BICDL1: variants seen among roughly 807,000 people sequenced by gnomAD.
BICDL1 encodes the protein BICD family-like cargo adapter 1.
In BICDL1, 20 loss-of-function variants were observed where a neutral mutation model predicts 76.8. That is an observed-to-expected ratio of 0.26 (90% CI 0.18 to 0.38). The LOEUF (loss-of-function observed/expected upper bound fraction) is 0.38, where lower values mean the gene tolerates loss of function less well. Ranked by LOEUF, BICDL1 falls within the 10% of genes least tolerant of loss-of-function variation. The probability of loss-of-function intolerance (pLI) is 1.00; values close to 1 mark genes in which losing one functional copy is unlikely to be tolerated. For missense variants in BICDL1, 700 were observed against 798.6 expected (o/e 0.88, Z 1.49); for synonymous variants, 383 against 337.1 (o/e 1.14, Z -1.49).
intron 2 of BICDL1, among the ~76,000 whole-genome samples, chr12:120,059,075 G>T (rs1953046481): frequency 6.6e-6 from 1 of 151,576 alleles, no homozygotes; most frequent in Non-Finnish European, 1.5e-5. Flanking sequence ...AGCCAAAGTT[G>T]GTTTTTTTTT....
intron 8 of BICDL1, among the ~76,000 whole-genome samples, chr12:120,087,499 G>A (rs1874525917): frequency 6.6e-6 from 1 of 152,266 alleles, no homozygotes; most frequent in Non-Finnish European, 1.5e-5. Context: ...AGTGCGGTCG[G>A]TGTTGTGAAG....
In BICDL1 at chr12:120,004,435, A is replaced by G. The variant is rs552065193; in HGVS notation, c.645+5699A>G. Among the ~76,000 whole-genome samples, 3 of 152,326 alleles carry G rather than the reference A, an allele frequency of 2.0e-5. No individual in the cohort carries two copies. In the East Asian group the frequency reaches 5.8e-4, roughly 29 times the overall value. ...CTGAATGAAGCCAAGATGGGTTTCT[A>G]CTATAGAATCACTGAGATAGGGAGG... is the stretch of plus-strand genomic sequence containing the variant. On this transcript the variant is annotated intron_variant, in intron 2 of 9. Transcript: ENST00000548673.
At chr12:120,001,471 C>G (rs1270812690) in intron 2 of BICDL1, among the ~76,000 whole-genome samples, 1 of 152,178 alleles carries the variant, frequency 6.6e-6, no homozygotes. Context: ...TGGTCTCGAT[C>G]TCCTGACCTT....
rs747028442 is a variant in BICDL1, at chr12:120,093,065, G to A, written c.1770G>A (p.Pro590=). 1.8e-5 allele frequency: 29 copies of A among 1,600,774 alleles called. No individual in the cohort carries two copies. Among genetic ancestry groups the A allele is most frequent in the Non-Finnish European group, 2.3e-5 (27 of 1,172,812 alleles). Residue 590 remains proline (P), a synonymous_variant, in exon 10 of 10, where the codon CCG becomes CCA. Transcript: ENST00000548673. ...CGCACCTGAAAGAACGGAGCCAGCC[G>A]GCTGCTGCCCTCTGCAGGGGCCACA... ...MDTHLKERSQ[P]AAALCRGHSA...
rs776517976 is a variant in BICDL1 at position 120,064,810 on chromosome 12, A to G, written c.840A>G (p.Gln280=). The change falls in exon 4 of 10, where the codon CAA becomes CAG. Residue 280 remains glutamine (Q), a synonymous_variant. Transcript: ENST00000548673. The part of the protein sequence containing the change: ...SATLEENDLL[Q]GTVEELQDRV... ...CTTTAGAGGAAAATGACCTGCTCCA[A>G]GGGACCGTGGAGGAGCTACAGGACC... The G allele has an allele frequency of 6.2e-6, 10 of 1,613,798 alleles. No individual in the cohort carries two copies. Among genetic ancestry groups the G allele is most frequent in the Middle Eastern group, 1.7e-4 (1 of 6,044 alleles).
At chr12:120,043,100 T>G (rs1468102465) in intron 2 of BICDL1, among the ~76,000 whole-genome samples, 23 of 152,312 alleles carry the variant, frequency 1.5e-4, no homozygotes, top group Admixed American at 1.4e-3. Flanking sequence ...TCAGTTTCTT[T>G]ATCGATGAAA....
intron 8 of BICDL1, among the ~76,000 whole-genome samples, chr12:120,087,419 G>C (rs566500356): frequency 1.3e-5 from 2 of 152,372 alleles, no homozygotes; most frequent in South Asian, 4.1e-4. Flanking sequence ...AAGAAGTGCT[G>C]GTCGCAGCAG....
intron 4 of BICDL1, among the ~76,000 whole-genome samples, chr12:120,066,764 T>C (rs1436231372): frequency 6.6e-6 from 1 of 152,224 alleles, no homozygotes; most frequent in Non-Finnish European, 1.5e-5. Context: ...TAATTACCAG[T>C]GTCCTCCAGA....
chr12:120,017,224 TAAAAC>T (rs1273198379), intron 2 of BICDL1, among the ~76,000 whole-genome samples: 4 of 152,152 alleles, frequency 2.6e-5, no homozygotes, highest in Admixed American at 6.5e-5. Flanking sequence ...AGCAGATTGA[TAAAAC>T]AACACAGGGA....
Position 120,093,266 on chromosome 12 carries a change from C to T in BICDL1, c.*105C>T, listed in dbSNP as rs1875144209. On this transcript the variant is annotated 3_prime_UTR_variant, in exon 10 of 10. Transcript: ENST00000548673. ...CTTGCACCTCAGCAGCTGCCCTGCC[C>T]CTCATGCTAGGGCCCCATGGGTCCG... The T allele has an allele frequency of 7.5e-7, 1 of 1,342,196 alleles. No homozygotes were observed. The highest frequency in any genetic ancestry group is 2.1e-5 in the Admixed American group (1 of 48,766). The allele number at this position is 1,342,196 out of a possible 1,614,324, so 83.1% of individuals were successfully genotyped here. A position where few individuals can be genotyped will look rare whatever the true frequency, so the allele number is the denominator to read the frequency against.
At chr12:120,013,923 A>G (rs1270713802) in intron 2 of BICDL1, among the ~76,000 whole-genome samples, 1 of 152,308 alleles carries the variant, frequency 6.6e-6, no homozygotes, top group East Asian at 1.9e-4. Context: ...ACCCCCGCAT[A>G]TTACAGTTGT....
At chr12:120,085,844 A>T (rs1391509742) in intron 8 of BICDL1, among the ~76,000 whole-genome samples, 3 of 150,798 alleles carry the variant, frequency 2.0e-5, no homozygotes, top group Non-Finnish European at 1.5e-5. Flanking sequence ...ATAGAAGTAC[A>T]CATGGGTTGG....
intron 2 of BICDL1, among the ~76,000 whole-genome samples, chr12:120,043,769 G>T (rs1203254505): frequency 6.6e-6 from 1 of 152,210 alleles, no homozygotes; most frequent in Non-Finnish European, 1.5e-5. Flanking sequence ...TTTGCAAGAA[G>T]CCCTCACTTA....
chr12:120,013,667 G>A (rs1331084087), intron 2 of BICDL1, among the ~76,000 whole-genome samples: 1 of 152,140 alleles, frequency 6.6e-6, no homozygotes, highest in African/African-American at 2.4e-5. Flanking sequence ...TTGCCATGTT[G>A]ATTAGGCAGG....
At chr12:120,088,081 G>A (rs1452947112) in intron 8 of BICDL1, among the ~76,000 whole-genome samples, 2 of 151,626 alleles carry the variant, frequency 1.3e-5, no homozygotes, top group Non-Finnish European at 2.9e-5. Context: ...GGCAGCATGC[G>A]CCACCACGCC....
At position 120,080,902 on chromosome 12, in the gene BICDL1, G is replaced by A. The variant is rs1286513349; in HGVS notation, c.1468G>A (p.Val490Met). 3 of 1,613,478 alleles carry A rather than the reference G, an allele frequency of 1.9e-6. No individual in the cohort carries two copies. Among genetic ancestry groups the A allele is most frequent in the Admixed American group, 1.7e-5 (1 of 59,980 alleles). ...CTCCTGTTAGGTGACACTGCTGAGTGTGGAGATGACTGCCCTAAAAGAGGA... is the reference window on the plus strand; with the variant it reads ...CTCCTGTTAGGTGACACTGCTGAGTATGGAGATGACTGCCCTAAAAGAGGA... ...RLHSQVTLLS[V>M]EMTALKEERD... The change falls in exon 8 of 10, where the codon GTG (valine) becomes ATG (methionine). Residue 490 changes from valine (V) to methionine (M), a missense_variant. This residue lies in a region of BICDL1 where 455 missense variants were observed against 548.7 expected (regional missense o/e 0.83). Transcript: ENST00000548673.
intron 1 of BICDL1, among the ~76,000 whole-genome samples, chr12:119,996,949 G>GTTT (rs1566201818): frequency 6.7e-6 from 1 of 148,264 alleles, no homozygotes. Flanking sequence ...GAAACAAAAA[G>GTTT]ATTTTTTTTT....
rs1261208413 is a variant in BICDL1, at chr12:119,989,535, C to G, written c.-334C>G. ...GCGGCGGCGTTCCTCCTCGCTTCCT[C>G]CCCTCCCGCTTCGCCGACCCTCAGT... On this transcript the variant is annotated 5_prime_UTR_variant, in exon 1 of 10. Transcript: ENST00000548673. Among the ~76,000 whole-genome samples, 1 of 150,526 alleles carries G rather than the reference C, an allele frequency of 6.6e-6. No homozygotes were observed. Among genetic ancestry groups the G allele is most frequent in the Non-Finnish European group, 1.5e-5 (1 of 67,408 alleles).
intron 2 of BICDL1, among the ~76,000 whole-genome samples, chr12:120,046,299 AC>A (rs913275241): frequency 1.3e-4 from 20 of 152,156 alleles, no homozygotes; most frequent in African/African-American, 3.9e-4. Flanking sequence ...GCTCTTACTT[AC>A]ATTTAATCTG....
Sources: gnomAD v4.1 joint callset for allele counts (sites outside exome capture counted in the v4.1 genomes callset) on GRCh38, gnomAD v4.1.1 for gene constraint, gnomAD v4.1.1 regional missense constraint, MANE v1.5 for transcripts, NCBI Gene and HGNC (gene_info 2026-07-23, HGNC 2026-07-21) for gene names.